The following PPFIA2 variants were observed in gnomAD, a reference collection of about 807,000 sequenced individuals.
The protein encoded by PPFIA2 is PPFI scaffold protein A2, also known as liprin-alpha-2.
A neutral mutation model predicts 175.5 loss-of-function variants in PPFIA2; 46 were observed. That is an observed-to-expected ratio of 0.26 (90% CI 0.21 to 0.34). The LOEUF (loss-of-function observed/expected upper bound fraction) is 0.34. Ranked by LOEUF, PPFIA2 falls within the 10% of genes least tolerant of loss-of-function variation. PPFIA2 has a pLI of 1.00. For synonymous variants in PPFIA2, 568 were observed against 511.4 expected, an observed-to-expected ratio of 1.11 and a Z score of -1.49; for missense variants, 1,179 against 1,506.1, an observed-to-expected ratio of 0.78 and a Z score of 3.60.
intron 7 of PPFIA2, among the ~76,000 whole-genome samples, chr12:81,425,664 GCACCCAGCCCCTA>G (rs1390512169): frequency 1.9e-4 from 29 of 152,224 alleles, no homozygotes; most frequent in African/African-American, 6.7e-4. Flanking sequence ...GTGAGCCACT[GCACCCAGCCCCTA>G]CAGTATTATT....
At chr12:81,540,612 T>C (rs1391315856) in intron 4 of PPFIA2, among the ~76,000 whole-genome samples, 1 of 151,990 alleles carries the variant, frequency 6.6e-6, no homozygotes, top group Non-Finnish European at 1.5e-5. Flanking sequence ...CTTTAGGAGT[T>C]TAAAAAATAT....
At chr12:81,563,559 T>C (rs1381149598) in intron 4 of PPFIA2, among the ~76,000 whole-genome samples, 1 of 152,192 alleles carries the variant, frequency 6.6e-6, no homozygotes, top group Non-Finnish European at 1.5e-5. Flanking sequence ...CTTTTAAATA[T>C]ATGACATAAT....
chr12:81,327,092 A>C (rs551126850), intron 21 of PPFIA2, among the ~76,000 whole-genome samples: 2 of 152,246 alleles, frequency 1.3e-5, no homozygotes, highest in South Asian at 2.1e-4. Context: ...CAAATAATTT[A>C]TAATACTGGA....
intron 4 of PPFIA2, among the ~76,000 whole-genome samples, chr12:81,521,040 G>T (rs2063060544): frequency 6.6e-6 from 1 of 152,074 alleles, no homozygotes; most frequent in Non-Finnish European, 1.5e-5. Context: ...GCTCTATTTT[G>T]TATATAGTGC....
chr12:81,469,590 G>T (rs879071), intron 4 of PPFIA2, among the ~76,000 whole-genome samples: 16,651 of 152,220 alleles, frequency 0.11, 1,136 homozygotes, highest in Middle Eastern at 0.14. Flanking sequence ...AGATCCAAAA[G>T]AGCCTAAGCA....
intron 21 of PPFIA2, among the ~76,000 whole-genome samples, chr12:81,330,642 C>G (rs1461107689): frequency 6.6e-6 from 1 of 152,086 alleles, no homozygotes; most frequent in Admixed American, 6.6e-5. Context: ...CTTGACAAAC[C>G]CATATTGCAA....
At chr12:81,405,749 A>T in intron 8 of PPFIA2, 38 bp downstream of exon 8, 1 of 1,152,794 alleles carries the variant, frequency 8.7e-7, no homozygotes, top group Non-Finnish European at 1.2e-6. Context: ...TATAAGAAGT[A>T]AACATTTCCA....
chr12:81,642,355 C>A (rs1267084996), intron 4 of PPFIA2, among the ~76,000 whole-genome samples: 1 of 151,596 alleles, frequency 6.6e-6, no homozygotes, highest in Non-Finnish European at 1.5e-5. Flanking sequence ...ATCTCTCTGG[C>A]CTTAGCTTTT....
chr12:81,552,061 T>C (rs1449687326), intron 4 of PPFIA2, among the ~76,000 whole-genome samples: 1 of 151,618 alleles, frequency 6.6e-6, no homozygotes, highest in Non-Finnish European at 1.5e-5. Context: ...TTTTAATAGA[T>C]AAAATTAATA....
intron 4 of PPFIA2, among the ~76,000 whole-genome samples, chr12:81,551,710 C>T (rs983660833): frequency 6.6e-6 from 1 of 151,836 alleles, no homozygotes; most frequent in Non-Finnish European, 1.5e-5. Context: ...ATATTTACTT[C>T]TGAGTGTGTG....
intron 5 of PPFIA2, among the ~76,000 whole-genome samples, chr12:81,449,855 G>C (rs891861450): frequency 7.2e-6 from 1 of 139,026 alleles, no homozygotes; most frequent in Non-Finnish European, 1.5e-5. Context: ...TGTTCTCATT[G>C]TTCAATTCCC....
At chr12:81,622,954 A>G (rs1007562494) in intron 4 of PPFIA2, among the ~76,000 whole-genome samples, 1 of 152,126 alleles carries the variant, frequency 6.6e-6, no homozygotes, top group Non-Finnish European at 1.5e-5. Context: ...GTAAGAATAT[A>G]CACATACAGC....
At chr12:81,521,124 G>A (rs957152945) in intron 4 of PPFIA2, among the ~76,000 whole-genome samples, 5 of 151,720 alleles carry the variant, frequency 3.3e-5, no homozygotes, top group African/African-American at 1.2e-4. Flanking sequence ...ACAAAAGAAT[G>A]ACTAGACTAT....
chr12:81,261,946 C>CA lies in PPFIA2; in HGVS notation c.*33+2dup. 1.9e-6 allele frequency: 3 copies of CA among 1,564,970 alleles called. No individual in the cohort carries two copies. Among genetic ancestry groups the CA allele is most frequent in the Non-Finnish European group, 2.6e-6 (3 of 1,149,574 alleles). On this transcript the variant is annotated splice_region_variant and intron_variant, in intron 32 of 32. Coordinates refer to ENST00000549396, the MANE Select transcript of PPFIA2 (RefSeq NM_003625.5). Reference sequence around the variant, plus strand: ...TTTTGTCAGCCAAAGGGAAACTACTCACAGCAGGTCAGTGCTGCCTCCTTT... The same window carrying CA: ...TTTTGTCAGCCAAAGGGAAACTACTCAACAGCAGGTCAGTGCTGCCTCCTTT...
chr12:81,394,293 T>C (rs891206906), intron 8 of PPFIA2, among the ~76,000 whole-genome samples: 46 of 152,154 alleles, frequency 3.0e-4, no homozygotes, highest in African/African-American at 1.1e-3. Context: ...TGGGCTCTTA[T>C]ATATTTTAGA....
At chr12:81,580,191 T>C (rs2074194716) in intron 4 of PPFIA2, among the ~76,000 whole-genome samples, 1 of 151,866 alleles carries the variant, frequency 6.6e-6, no homozygotes, top group Non-Finnish European at 1.5e-5. Context: ...TTCGTGCATG[T>C]CAAGCCTCAT....
intron 9 of PPFIA2, among the ~76,000 whole-genome samples, chr12:81,376,232 C>T (rs182721387): frequency 1.3e-5 from 2 of 152,170 alleles, no homozygotes; most frequent in African/African-American, 4.8e-5. Flanking sequence ...AGACAAGTGG[C>T]AGATAAATTA....
At chr12:81,522,259 A>G (rs546730208) in intron 4 of PPFIA2, among the ~76,000 whole-genome samples, 1 of 152,210 alleles carries the variant, frequency 6.6e-6, no homozygotes, top group Non-Finnish European at 1.5e-5. Flanking sequence ...GGAATAAATA[A>G]ATACTCTCCT....
rs554144289 is a variant in PPFIA2 at position 81,427,358 on chromosome 12, A to G, written c.645+12614T>C. On this transcript the variant is annotated intron_variant, in intron 7 of 32. Coordinates refer to ENST00000549396, the MANE Select transcript of PPFIA2 (RefSeq NM_003625.5). ...ATTTCTTAACTTTCAAAATGCTAGT[A>G]ATAATTATCCTTTTCTCATACATTA... Among the ~76,000 whole-genome samples, 4 of 152,086 alleles carry G rather than the reference A, an allele frequency of 2.6e-5. 1 individual carries two copies. The South Asian group carries it at 8.3e-4, about 31-fold the overall frequency.
Sources: gnomAD v4.1 joint callset for allele counts (sites outside exome capture counted in the v4.1 genomes callset) on GRCh38, gnomAD v4.1.1 for gene constraint, MANE v1.5 for transcripts, NCBI Gene and HGNC (gene_info 2026-07-23, HGNC 2026-07-21) for gene names.